Variants in ABI3BP observed in about 807,000 individuals in gnomAD.
The protein encoded by ABI3BP is ABI family member 3 binding protein.
A neutral mutation model predicts 268.6 loss-of-function variants in ABI3BP; 216 were observed. The observed-to-expected ratio is 0.80, with a 90% CI of 0.72 to 0.90. ABI3BP has a LOEUF of 0.90. ABI3BP is among the 40% of genes least tolerant of loss of function. The pLI, the probability that ABI3BP is intolerant of heterozygous loss-of-function variation, is 0.00. For synonymous variants in ABI3BP, 730 were observed against 730.0 expected, an observed-to-expected ratio of 1.00 and a Z score of 0.00; for missense variants, 2,090 against 2,182.4, an observed-to-expected ratio of 0.96 and a Z score of 0.84.
intron 2 of ABI3BP, among the ~76,000 whole-genome samples, chr3:100,924,019 T>G (rs2061078405): frequency 1.3e-5 from 2 of 152,076 alleles, no homozygotes; most frequent in African/African-American, 4.8e-5. Flanking sequence ...ACATTCCCCC[T>G]TCCCGCAAAT....
chr3:100,874,486 A>T (rs1239592281), intron 9 of ABI3BP, among the ~76,000 whole-genome samples: 3 of 152,252 alleles, frequency 2.0e-5, no homozygotes, highest in Admixed American at 2.0e-4. Flanking sequence ...AATGAACCTG[A>T]CCTTCACATC....
chr3:100,765,165 A>AT (rs1301643987), intron 63 of ABI3BP, among the ~76,000 whole-genome samples: 1 of 151,896 alleles, frequency 6.6e-6, no homozygotes, highest in Non-Finnish European at 1.5e-5. Context: ...TAAGACACTT[A>AT]TTTTTCTTTC....
intron 59 of ABI3BP, among the ~76,000 whole-genome samples, chr3:100,777,946 A>G (rs1050444536): frequency 6.6e-6 from 1 of 152,224 alleles, no homozygotes; most frequent in Non-Finnish European, 1.5e-5. Context: ...ATGACAAGTC[A>G]TCACATCTAT....
At chr3:100,831,013 T>C (rs1481783026) in intron 31 of ABI3BP, among the ~76,000 whole-genome samples, 1 of 152,220 alleles carries the variant, frequency 6.6e-6, no homozygotes, top group Non-Finnish European at 1.5e-5. Context: ...GCACTCATTA[T>C]AAGCAGTAAT....
intron 1 of ABI3BP, among the ~76,000 whole-genome samples, chr3:100,943,194 A>T (rs1170502893): frequency 6.6e-6 from 1 of 152,104 alleles, no homozygotes; most frequent in Non-Finnish European, 1.5e-5. Context: ...AATTGTGTAG[A>T]GCATATCCAT....
intron 1 of ABI3BP, among the ~76,000 whole-genome samples, chr3:100,960,825 A>T (rs761879152): frequency 1.3e-5 from 2 of 152,184 alleles, no homozygotes; most frequent in African/African-American, 2.4e-5. Context: ...GGTGAAACTT[A>T]CTTCTGCAAA....
At chr3:100,912,471 A>G (rs2057086785) in intron 2 of ABI3BP, among the ~76,000 whole-genome samples, 1 of 152,062 alleles carries the variant, frequency 6.6e-6, no homozygotes. Context: ...GAATTTGATG[A>G]AATAAGGTAA....
chr3:100,824,905 G>C lies in ABI3BP; in HGVS notation c.2699C>G (p.Pro900Arg). 3.3e-6 allele frequency: 5 copies of C among 1,536,096 alleles called. No individual in the cohort carries two copies. Among genetic ancestry groups the C allele is most frequent in the Non-Finnish European group, 4.4e-6 (5 of 1,146,682 alleles). Residue 900 changes from proline to arginine, a missense_variant, in exon 36 of 68, where the codon CCC (proline) becomes CGC (arginine). Transcript: ENST00000471714. ...AGGGCTCGGTGTAGTTTTAGGTCTG[G>C]GACGTGGAGGGCGGGTTCTTTTTGA... is the stretch of plus-strand genomic sequence containing the variant. ...KTSKRTRPPR[P>R]RPKTTPSPQA...
intron 51 of ABI3BP, among the ~76,000 whole-genome samples, chr3:100,797,184 A>G (rs1423973804): frequency 6.6e-5 from 10 of 151,860 alleles, no homozygotes; most frequent in Non-Finnish European, 1.5e-5. Flanking sequence ...CAATAGGCCT[A>G]CTCGTATATG....
chr3:100,963,074 T>C (rs1388979578), intron 1 of ABI3BP, among the ~76,000 whole-genome samples: 1 of 152,204 alleles, frequency 6.6e-6, no homozygotes, highest in Non-Finnish European at 1.5e-5. Flanking sequence ...CCAGTGGTAA[T>C]ACTTATTCTG....
chr3:100,888,340 T>A (rs960685337), intron 4 of ABI3BP, among the ~76,000 whole-genome samples: 7 of 152,136 alleles, frequency 4.6e-5, no homozygotes, highest in Non-Finnish European at 1.5e-5. Context: ...TCTTGACAAA[T>A]ACGCTGCATG....
chr3:100,870,033 G>A (rs1327481764), intron 9 of ABI3BP, among the ~76,000 whole-genome samples: 7 of 152,036 alleles, frequency 4.6e-5, no homozygotes, highest in African/African-American at 1.2e-4. Flanking sequence ...TTGATGCCCC[G>A]TTATGAGCTC....
intron 50 of ABI3BP, among the ~76,000 whole-genome samples, 192 bp from the exon 51 acceptor site, chr3:100,805,058 A>T (rs756704919): frequency 1.3e-5 from 2 of 152,148 alleles, no homozygotes; most frequent in African/African-American, 2.4e-5. Context: ...CCAGATAATT[A>T]TATAATAGTG....
chr3:100,878,131 A>C (rs1275225441), intron 6 of ABI3BP, among the ~76,000 whole-genome samples: 5 of 152,218 alleles, frequency 3.3e-5, no homozygotes, highest in African/African-American at 7.2e-5. Context: ...ATCATAACTT[A>C]AAATAAATTT....
chr3:100,993,361 T>G lies in ABI3BP; in HGVS notation c.24A>C (p.Leu8=). ...CTAGTGTAATACTTCCACAGAGAAG[T>G]AGACACCCCAAACTGGAGAGCATGT... The part of the protein sequence containing the change: MLSSLGC[L]LLCGSITLAL... Residue 8 remains leucine, a synonymous_variant, in exon 1 of 68, where the codon CTA becomes CTC. Coordinates refer to ENST00000471714, the MANE Select transcript of ABI3BP (RefSeq NM_001375547.2). 6.4e-7 allele frequency: 1 copy of G among 1,553,466 alleles called. No homozygotes were observed.
chr3:100,895,741 G>C (rs1160144398), intron 4 of ABI3BP, among the ~76,000 whole-genome samples: 1 of 152,034 alleles, frequency 6.6e-6, no homozygotes, highest in Non-Finnish European at 1.5e-5. Flanking sequence ...AGCTATTATT[G>C]CTTATGCTAA....
In ABI3BP at chr3:100,822,608, T is replaced by A; in HGVS notation, c.2868A>T (p.Glu956Asp). The A allele has an allele frequency of 6.5e-7, 1 of 1,536,578 alleles. No individual in the cohort carries two copies. Among genetic ancestry groups the A allele is most frequent in the Non-Finnish European group, 8.7e-7 (1 of 1,146,952 alleles). Residue 956 changes from glutamate to aspartate, a missense_variant, in exon 38 of 68, where the codon GAA becomes GAT. Coordinates refer to ENST00000471714, the MANE Select transcript of ABI3BP (RefSeq NM_001375547.2). ...RLRTKTTPRP[E>D]APESKPVPTA... Reference sequence around the variant, plus strand: ...GTTTACCTGGTTTGGATTCAGGTGCTTCAGGACGTGGTGTGGTTTTTGTTC... The same window carrying A: ...GTTTACCTGGTTTGGATTCAGGTGCATCAGGACGTGGTGTGGTTTTTGTTC...
At chr3:100,798,992 C>T (rs1159339793) in intron 51 of ABI3BP, among the ~76,000 whole-genome samples, 1 of 150,436 alleles carries the variant, frequency 6.6e-6, no homozygotes, top group Non-Finnish European at 1.5e-5. Flanking sequence ...GCCACCCTCC[C>T]TTCTATCTCA....
chr3:100,834,298 T>C (rs1032514120), intron 29 of ABI3BP, among the ~76,000 whole-genome samples: 2 of 152,182 alleles, frequency 1.3e-5, no homozygotes, highest in Non-Finnish European at 2.9e-5. Flanking sequence ...ATATCTATTA[T>C]GAAGAGTCTC....
Sources: gnomAD v4.1 joint callset for allele counts (sites outside exome capture counted in the v4.1 genomes callset) on GRCh38, gnomAD v4.1.1 for gene constraint, MANE v1.5 for transcripts, NCBI Gene and HGNC (gene_info 2026-07-23, HGNC 2026-07-21) for gene names.